Variants in RALGAPA2 observed in about 807,000 individuals in gnomAD.
RALGAPA2 encodes the protein ral GTPase-activating protein subunit alpha-2.
Under a neutral mutation model 230.4 loss-of-function variants are expected in RALGAPA2, and 139 were observed. That is an observed-to-expected ratio of 0.60 (90% CI 0.53 to 0.69). The LOEUF (loss-of-function observed/expected upper bound fraction) is 0.69. Among genes scored for constraint, RALGAPA2 ranks in the 30% least tolerant of loss-of-function variants. RALGAPA2 has a pLI of 0.00. For missense variants in RALGAPA2, 2,163 were observed against 2,276.0 expected (o/e 0.95, Z 1.01); for synonymous variants, 847 against 837.8 (o/e 1.01, Z -0.19).
intron 23 of RALGAPA2, among the ~76,000 whole-genome samples, chr20:20,551,809 C>A (rs188111508): frequency 8.5e-5 from 13 of 152,204 alleles, no homozygotes; most frequent in Admixed American, 7.8e-4. Flanking sequence ...ACCTTTAGAG[C>A]GATAAATGTG....
At chr20:20,707,143 C>G (rs563186710) in intron 1 of RALGAPA2, among the ~76,000 whole-genome samples, 16 of 152,234 alleles carry the variant, frequency 1.1e-4, no homozygotes, top group Admixed American at 7.2e-4. Context: ...GATGACACTC[C>G]TATTATCCCA....
At chr20:20,605,043 C>T (rs1568638560) in intron 15 of RALGAPA2, 132 bp downstream of exon 15, 3 of 695,728 alleles carry the variant, frequency 4.3e-6, no homozygotes, top group African/African-American at 1.8e-5. Context: ...CAAATTAATG[C>T]CACTATTAAG....
intron 16 of RALGAPA2, among the ~76,000 whole-genome samples, chr20:20,592,304 A>T (rs930965836): frequency 4.6e-5 from 7 of 152,112 alleles, no homozygotes; most frequent in Non-Finnish European, 1.0e-4. Flanking sequence ...GCTTTCCTTG[A>T]TCTCACGGGA....
chr20:20,527,462 C>T (rs940808396), intron 27 of RALGAPA2, among the ~76,000 whole-genome samples: 5 of 152,126 alleles, frequency 3.3e-5, no homozygotes, highest in African/African-American at 1.2e-4. Context: ...GCTTCTGCCC[C>T]ATGGCCTTTG....
chr20:20,691,895 G>C, intron 1 of RALGAPA2, among the ~76,000 whole-genome samples: 1 of 152,168 alleles, frequency 6.6e-6, no homozygotes. Flanking sequence ...ATGGATCATG[G>C]GGGTGGATTC....
intron 37 of RALGAPA2, among the ~76,000 whole-genome samples, chr20:20,470,285 A>C (rs1288654018): frequency 6.6e-6 from 1 of 152,244 alleles, no homozygotes; most frequent in East Asian, 1.9e-4. Context: ...CAAAATTAAT[A>C]TGTAACTGCC....
chr20:20,695,189 A>T (rs1243883038), intron 1 of RALGAPA2, among the ~76,000 whole-genome samples: 2 of 152,220 alleles, frequency 1.3e-5, no homozygotes, highest in East Asian at 3.8e-4. Context: ...ACAGCAAATG[A>T]CTTAAATTTT....
At chr20:20,443,422 G>A (rs756065737) in intron 37 of RALGAPA2, among the ~76,000 whole-genome samples, 17 of 152,288 alleles carry the variant, frequency 1.1e-4, no homozygotes, top group Middle Eastern at 3.4e-3. Flanking sequence ...ACTATGAAAC[G>A]ATGTCTCCAG....
chr20:20,698,818 TC>T (rs1256319446), intron 1 of RALGAPA2, among the ~76,000 whole-genome samples: 1 of 152,200 alleles, frequency 6.6e-6, no homozygotes, highest in Non-Finnish European at 1.5e-5. Flanking sequence ...GGAAACTGGG[TC>T]AAATGGGATA....
chr20:20,698,228 T>C (rs949457881), intron 1 of RALGAPA2, among the ~76,000 whole-genome samples: 1 of 152,004 alleles, frequency 6.6e-6, no homozygotes, highest in Non-Finnish European at 1.5e-5. Context: ...AGTTGCAAAA[T>C]GCTGTTAATG....
chr20:20,594,028 G>A (rs2065374616), intron 16 of RALGAPA2, among the ~76,000 whole-genome samples: 1 of 152,164 alleles, frequency 6.6e-6, no homozygotes, highest in Non-Finnish European at 1.5e-5. Context: ...AGCAGGGCAG[G>A]AGCACTCGTG....
chr20:20,503,497 AG>A lies in RALGAPA2; in HGVS notation c.5061del (p.Ser1688ProfsTer30), dbSNP rs1238024398. Reference protein sequence around the residue: ...FVAGLGWEVDLSTHCGFMGGL... With the variant: ...FVAGLGWEVDXSTHCGFMGGL... ...CCACCCATGAACCCACAGTGGGTGG[AG>A]AGATCCACCTGACAAAGGTCACAAA... is the stretch of plus-strand genomic sequence containing the variant. On this transcript the variant is annotated frameshift_variant, in exon 35 of 40. Transcript: ENST00000202677. LOFTEE classifies it high-confidence loss of function. 6.4e-7 allele frequency: 1 copy of A among 1,572,152 alleles called. No individual in the cohort carries two copies. Among genetic ancestry groups the A allele is most frequent in the African/African-American group, 1.4e-5 (1 of 72,740 alleles).
chr20:20,529,403 A>G (rs537213160), intron 27 of RALGAPA2, among the ~76,000 whole-genome samples: 7 of 152,206 alleles, frequency 4.6e-5, no homozygotes, highest in South Asian at 2.1e-4. Flanking sequence ...ATAATTATAG[A>G]AAAGTTGCAG....
Position 20,511,430 on chromosome 20 carries a change from C to A in RALGAPA2, c.4857-105G>T. The A allele has an allele frequency of 2.1e-6, 3 of 1,430,796 alleles. No homozygotes were observed. The South Asian group carries it at 4.4e-5, about 21-fold the overall frequency. The allele number at this position is 1,430,796 out of a possible 1,614,324, so 88.6% of individuals were successfully genotyped here. A position where few individuals can be genotyped will look rare whatever the true frequency, so the allele number is the denominator to read the frequency against. On this transcript the variant is annotated intron_variant, in intron 32 of 39. Transcript: ENST00000202677. ...AATACCTATCATCCATCCTCTACCA[C>A]CTCACTCACAAAAGATTTGTGATAG...
In RALGAPA2 at chr20:20,577,990, A is replaced by G. The variant is rs143641845; in HGVS notation, c.2708-4922T>C. Among the ~76,000 whole-genome samples the G allele has an allele frequency of 7.2e-3, 1,095 of 152,206 alleles. 10 individuals carry two copies. Among genetic ancestry groups the G allele is most frequent in the African/African-American group, 0.025 (1,052 of 41,532 alleles). On this transcript the variant is annotated intron_variant, in intron 20 of 39. Coordinates refer to ENST00000202677, the MANE Select transcript of RALGAPA2 (RefSeq NM_020343.4). ...ACCTGCACCTCTTTTCAACCTGCCA[A>G]CGAATATGCCCTTACTTATGAAAGA...
chr20:20,700,917 TG>T (rs1170720685), intron 1 of RALGAPA2, among the ~76,000 whole-genome samples: 2 of 152,190 alleles, frequency 1.3e-5, no homozygotes, highest in Non-Finnish European at 2.9e-5. Context: ...TTTCAGGAAT[TG>T]TTTAAGCCAT....
intron 37 of RALGAPA2, among the ~76,000 whole-genome samples, chr20:20,450,439 T>G (rs1032200744): frequency 1.1e-4 from 17 of 152,374 alleles, no homozygotes; most frequent in African/African-American, 4.1e-4. Flanking sequence ...TAGGATTCAC[T>G]TGGTAACAAT....
At chr20:20,497,682 A>C (rs554248046) in intron 35 of RALGAPA2, among the ~76,000 whole-genome samples, 1 of 152,320 alleles carries the variant, frequency 6.6e-6, no homozygotes, top group Admixed American at 6.5e-5. Flanking sequence ...TGGGTTACTC[A>C]ATTACATAAC....
intron 20 of RALGAPA2, among the ~76,000 whole-genome samples, chr20:20,578,829 C>T (rs1300305144): frequency 6.6e-6 from 1 of 152,200 alleles, no homozygotes; most frequent in African/African-American, 2.4e-5. Context: ...AGATGGCATC[C>T]TGCTCCCACC....
Sources: gnomAD v4.1 joint callset for allele counts (sites outside exome capture counted in the v4.1 genomes callset) on GRCh38, gnomAD v4.1.1 for gene constraint, MANE v1.5 for transcripts, NCBI Gene and HGNC (gene_info 2026-07-23, HGNC 2026-07-21) for gene names.